The following ARID4B variants were observed in gnomAD, a reference collection of about 807,000 sequenced individuals.
ARID4B encodes the protein AT-rich interaction domain 4B, also known as AT-rich interactive domain-containing protein 4B.
A neutral mutation model predicts 147.5 loss-of-function variants in ARID4B; 26 were observed. The ratio of observed to expected loss-of-function variants is 0.18; its 90% CI spans 0.13 to 0.24. The LOEUF is 0.24. ARID4B is among the 10% of genes least tolerant of loss of function. The pLI, the probability that ARID4B is intolerant of heterozygous loss-of-function variation, is 1.00. For synonymous variants in ARID4B, 512 were observed against 507.9 expected, an observed-to-expected ratio of 1.01 and a Z score of -0.11; for missense variants, 1,179 against 1,511.5, an observed-to-expected ratio of 0.78 and a Z score of 3.65.
chr1:235,255,289 A>ATC (rs1558250867), intron 5 of ARID4B, among the ~76,000 whole-genome samples: 1 of 101,936 alleles, frequency 9.8e-6, no homozygotes, highest in Admixed American at 1.2e-4. Context: ...CTCTCTCTCT[A>ATC]TATATATATA....
chr1:235,325,276 T>C (rs980179291), intron 2 of ARID4B, among the ~76,000 whole-genome samples: 1 of 151,860 alleles, frequency 6.6e-6, no homozygotes. Context: ...TCTAAAAAGA[T>C]ACCAAAAAAT....
intron 17 of ARID4B, among the ~76,000 whole-genome samples, chr1:235,196,481 G>C (rs1196508773): frequency 6.6e-6 from 1 of 152,120 alleles, no homozygotes; most frequent in Non-Finnish European, 1.5e-5. Flanking sequence ...TTAAGCAGCA[G>C]GTAGGCAATT....
rs746430298 is a variant in ARID4B at position 235,219,950 on chromosome 1, A to C, written c.1426T>G (p.Leu476Val). Residue 476 changes from leucine to valine, a missense_variant, in exon 16 of 24, where the codon TTA becomes GTA. Leu to Val is a conservative substitution (Grantham distance 32). This residue lies in a region of ARID4B where 204 missense variants were observed against 210.9 expected (regional missense o/e 0.97). Coordinates refer to ENST00000264183, the MANE Select transcript of ARID4B (RefSeq NM_016374.6). ...TCAGAATGTGTAGGTATAGATTCTA[A>C]TAAATTCTTTTTACTTCCCTAGAAA... ...KPSLGSKKNLLESIPTHSDQE... is the reference protein window; with the variant it reads ...KPSLGSKKNLVESIPTHSDQE... The C allele has an allele frequency of 6.5e-7, 1 of 1,548,904 alleles. No individual in the cohort carries two copies. Among genetic ancestry groups the C allele is most frequent in the Non-Finnish European group, 8.7e-7 (1 of 1,152,024 alleles).
At chr1:235,232,940 C>T (rs1308934361) in intron 9 of ARID4B, among the ~76,000 whole-genome samples, 1 of 151,986 alleles carries the variant, frequency 6.6e-6, no homozygotes. Flanking sequence ...CAGGTTCAAG[C>T]GATTCTCCTG....
chr1:235,177,761 T>C, intron 21 of ARID4B, 39 bp downstream of exon 21: 1 of 1,382,480 alleles, frequency 7.2e-7, no homozygotes, highest in South Asian at 1.2e-5. Flanking sequence ...TTATCAGCTA[T>C]TATTTTTATA....
chr1:235,243,909 CAT>C (rs1366246946), intron 7 of ARID4B, among the ~76,000 whole-genome samples: 1 of 151,968 alleles, frequency 6.6e-6, no homozygotes. Context: ...ATCAAATTCT[CAT>C]ATTAAAATAA....
At position 235,257,242 on chromosome 1, in the gene ARID4B, T is replaced by TA. The variant is rs577495019; in HGVS notation, c.118-18dup. On this transcript the variant is annotated splice_polypyrimidine_tract_variant and intron_variant, in intron 3 of 23. Coordinates refer to ENST00000264183, the MANE Select transcript of ARID4B (RefSeq NM_016374.6). The stretch of plus-strand genomic sequence containing the variant: ...AAATGTCACCTAGAGATTATAAGTT[T>TA]AATTAGCCACCAAAAATAAACCAAG... 1.7e-4 allele frequency: 268 copies of TA among 1,586,264 alleles called. No individual in the cohort carries two copies. In the African/African-American group the frequency reaches 3.1e-3, roughly 18 times the overall value.
chr1:235,222,104 G>A (rs895196125), intron 13 of ARID4B, among the ~76,000 whole-genome samples: 4 of 151,748 alleles, frequency 2.6e-5, no homozygotes, highest in African/African-American at 9.7e-5. Context: ...TGGAGATGGA[G>A]TCTCACCATG....
At chr1:235,306,209 T>G (rs1176627419) in intron 2 of ARID4B, among the ~76,000 whole-genome samples, 1 of 152,110 alleles carries the variant, frequency 6.6e-6, no homozygotes, top group African/African-American at 2.4e-5. Flanking sequence ...ATTTAGAAAT[T>G]ACATGCCTAC....
intron 2 of ARID4B, among the ~76,000 whole-genome samples, chr1:235,307,564 G>C (rs1673667091): frequency 6.6e-6 from 1 of 152,082 alleles, no homozygotes; most frequent in Admixed American, 6.5e-5. Context: ...CAAAGAAAAA[G>C]AGAGAGAGAA....
At chr1:235,293,313 A>C (rs1432213683) in intron 2 of ARID4B, among the ~76,000 whole-genome samples, 1 of 152,218 alleles carries the variant, frequency 6.6e-6, no homozygotes, top group African/African-American at 2.4e-5. Context: ...AAACTTCTAC[A>C]AGTAAAAAAA....
At chr1:235,211,561 A>G (rs1666723360) in intron 17 of ARID4B, among the ~76,000 whole-genome samples, 1 of 152,202 alleles carries the variant, frequency 6.6e-6, no homozygotes, top group Non-Finnish European at 1.5e-5. Flanking sequence ...TGCAGTAATT[A>G]TTCGTTTTTG....
At chr1:235,199,886 A>AT (rs1182094744) in intron 17 of ARID4B, among the ~76,000 whole-genome samples, 1 of 152,150 alleles carries the variant, frequency 6.6e-6, no homozygotes, top group Non-Finnish European at 1.5e-5. Context: ...TTAAATAACT[A>AT]TAACTGATCA....
At chr1:235,268,964 C>A (rs1042008878) in intron 2 of ARID4B, among the ~76,000 whole-genome samples, 1 of 152,108 alleles carries the variant, frequency 6.6e-6, no homozygotes, top group Admixed American at 6.5e-5. Flanking sequence ...AGGGGTTTTC[C>A]TCTTACTGGT....
intron 7 of ARID4B, among the ~76,000 whole-genome samples, chr1:235,243,188 ATTTT>A (rs1158356162): frequency 6.6e-6 from 1 of 151,882 alleles, no homozygotes; most frequent in South Asian, 2.1e-4. Context: ...AGATGCATTT[ATTTT>A]TTTATTATGG....
intron 17 of ARID4B, among the ~76,000 whole-genome samples, chr1:235,196,904 G>A (rs969240329): frequency 7.4e-6 from 1 of 134,728 alleles, no homozygotes; most frequent in Non-Finnish European, 1.5e-5. Flanking sequence ...ATATTGTAAC[G>A]TATGGATAAT....
intron 2 of ARID4B, among the ~76,000 whole-genome samples, chr1:235,270,010 G>GC (rs1463850178): frequency 6.6e-6 from 1 of 152,038 alleles, no homozygotes; most frequent in Non-Finnish European, 1.5e-5. Flanking sequence ...CCAGCCGGGC[G>GC]CGGTGCCTCA....
intron 11 of ARID4B, chr1:235,228,709 G>T (rs1480923731): frequency 6.8e-6 from 1 of 147,852 alleles, no homozygotes; most frequent in African/African-American, 2.5e-5. Context: ...GCAGTGGCGC[G>T]ATCTTGGCTC....
chr1:235,264,491 G>A (rs1314984610), intron 2 of ARID4B, among the ~76,000 whole-genome samples: 3 of 152,144 alleles, frequency 2.0e-5, no homozygotes, highest in Non-Finnish European at 4.4e-5. Flanking sequence ...GGCTTTGAAA[G>A]CAGAGAGGCA....
Sources: allele counts gnomAD v4.1 joint callset (sites outside exome capture counted in the v4.1 genomes callset), GRCh38; gene constraint gnomAD v4.1.1; regional missense constraint gnomAD v4.1.1; transcripts MANE v1.5; gene names NCBI Gene and HGNC (gene_info 2026-07-23, HGNC 2026-07-21).